Variants in POU5F1 observed in about 807,000 individuals in gnomAD.
POU5F1 encodes the protein POU class 5 homeobox 1, also known as POU domain, class 5, transcription factor 1.
POU5F1 carries 6 observed loss-of-function variants against 38.3 expected under a neutral mutation model. The ratio of observed to expected loss-of-function variants is 0.16; its 90% CI spans 0.09 to 0.31. The LOEUF is 0.31. Ranked by LOEUF, POU5F1 falls within the 10% of genes least tolerant of loss-of-function variation. POU5F1 has a pLI of 1.00. For missense variants in POU5F1, 286 were observed against 462.6 expected, an observed-to-expected ratio of 0.62 and a Z score of 3.50; for synonymous variants, 147 against 194.9, an observed-to-expected ratio of 0.75 and a Z score of 2.05.
rs1777146085 is a variant in POU5F1 at position 31,165,350 on chromosome 6, G to T, written c.658-64C>A. 2 of 1,582,000 alleles carry T rather than the reference G, an allele frequency of 1.3e-6. No homozygotes were observed. Among genetic ancestry groups the T allele is most frequent in the East Asian group, 2.3e-5 (1 of 43,830 alleles). On this transcript the variant is annotated intron_variant, in intron 3 of 4. Transcript: ENST00000259915. The surrounding 1 kb of genome is among the most constrained non-coding windows in gnomAD (Gnocchi z 6.5). ...GACTTGCTGAGTAACAGCATCACAG[G>T]GGTCTGTGACTAGATGTGTCAGCAG...
At position 31,165,448 on chromosome 6, in the gene POU5F1, A is replaced by G. The variant is rs372220322; in HGVS notation, c.657+123T>C. The G allele has an allele frequency of 2.0e-5, 31 of 1,579,290 alleles. No homozygotes were observed. Among genetic ancestry groups the G allele is most frequent in the Non-Finnish European group, 2.5e-5 (29 of 1,161,276 alleles). ...GGACCTTATCCCAGCAGAACTGAGG[A>G]ATTTCACTCCATCCCACTGAGAACC... On this transcript the variant is annotated intron_variant, in intron 3 of 4. Coordinates refer to ENST00000259915, the MANE Select transcript of POU5F1 (RefSeq NM_002701.6). The surrounding 1 kb of genome is among the most constrained non-coding windows in gnomAD (Gnocchi z 6.5).
chr6:31,166,300 T>C (rs2151105316), intron 1 of POU5F1: 1 of 1,515,732 alleles, frequency 6.6e-7, no homozygotes, highest in Non-Finnish European at 8.9e-7. Flanking sequence ...ATCCAAGGGA[T>C]GCAGAGCATC....
In POU5F1 at chr6:31,170,650, C is replaced by A. The variant is rs1359186290; in HGVS notation, c.-30G>T. The stretch of plus-strand genomic sequence containing the variant: ...AAGGAAGGCGCCCCAAGCCGGGGGC[C>A]TGGTGAAATGAGGGCTTGCGAAGGG... On this transcript the variant is annotated 5_prime_UTR_variant, in exon 1 of 5. It adds an upstream start codon to the 5' untranslated region. Transcript: ENST00000259915. The A allele has an allele frequency of 6.5e-7, 1 of 1,531,602 alleles. No homozygotes were observed. The highest frequency in any genetic ancestry group is 8.8e-7 in the Non-Finnish European group (1 of 1,138,020). The allele number at this position is 1,531,602 out of a possible 1,614,324, so 94.9% of individuals were successfully genotyped here. A position where few individuals can be genotyped will look rare whatever the true frequency, so the allele number is the denominator to read the frequency against.
rs762107693 is a variant in POU5F1, at chr6:31,170,615, C to A, written c.6G>T (p.Ala2=). 3.2e-6 allele frequency: 5 copies of A among 1,554,092 alleles called. No homozygotes were observed. The African/African-American group carries it at 5.4e-5, about 17-fold the overall frequency. M[A]GHLASDFAFS... ...AGGCGAAATCCGAAGCCAGGTGTCC[C>A]GCCATGGGGAAGGAAGGCGCCCCAA... The change falls in exon 1 of 5, where the codon GCG becomes GCT. Residue 2 remains alanine, a synonymous_variant. Transcript: ENST00000259915.
At chr6:31,170,179 A>G (rs1777554173) in intron 1 of POU5F1, 37 bp downstream of exon 1, 1 of 1,611,674 alleles carries the variant, frequency 6.2e-7, no homozygotes, top group Non-Finnish European at 8.5e-7. Context: ...TGTCATGACC[A>G]CCTCCCCACA....
Position 31,165,155 on chromosome 6 carries a change from G to A in POU5F1, c.789C>T (p.Ile263=), listed in dbSNP as rs746974556. ...CCTTCTCGAGCCCAAGCTGCTGGGCGATGTGGCTGATCTGCTGCAGTGTGG... is the reference window on the plus strand; with the variant it reads ...CCTTCTCGAGCCCAAGCTGCTGGGCAATGTGGCTGATCTGCTGCAGTGTGG... ...PKPTLQQISH[I]AQQLGLEKDV... Residue 263 remains isoleucine, a synonymous_variant, in exon 4 of 5, where the codon ATC becomes ATT. Transcript: ENST00000259915. This position sits in a 1 kb window ranked among gnomAD's most constrained non-coding sequence, Gnocchi z 6.5. 7 of 1,609,214 alleles carry A rather than the reference G, an allele frequency of 4.3e-6. No homozygotes were observed. Among genetic ancestry groups the A allele is most frequent in the East Asian group, 4.5e-5 (2 of 44,738 alleles).
chr6:31,165,754 T>C lies in POU5F1; in HGVS notation c.527-53A>G. 1 of 1,578,148 alleles carries C rather than the reference T, an allele frequency of 6.3e-7. No homozygotes were observed. The highest frequency in any genetic ancestry group is 8.6e-7 in the Non-Finnish European group (1 of 1,160,822). On this transcript the variant is annotated intron_variant, in intron 2 of 4. Transcript: ENST00000259915. The surrounding 1 kb of genome is among the most constrained non-coding windows in gnomAD (Gnocchi z 6.5). The stretch of plus-strand genomic sequence containing the variant: ...AAAGTGAGGGAGCACGCAGGGCCCT[T>C]GTGACCCTGAGATCCAAGCTTACCA...
chr6:31,170,093 A>T (rs1422407570), intron 1 of POU5F1, 123 bp downstream of exon 1: 1 of 1,515,926 alleles, frequency 6.6e-7, no homozygotes, highest in Non-Finnish European at 9.0e-7. Context: ...TGGCCAGGGC[A>T]GCTGACCCTG....
Position 31,165,875 on chromosome 6 carries a change from G to A in POU5F1, c.526+52C>T. 1 of 1,611,066 alleles carries A rather than the reference G, an allele frequency of 6.2e-7. No homozygotes were observed. The highest frequency in any genetic ancestry group is 8.5e-7 in the Non-Finnish European group (1 of 1,178,118). Reference sequence around the variant, plus strand: ...CCCCTGCCCCTCCCCACTAGGTTCAGGGATACTCCTTAGAGGGGAGATGCG... The same window carrying A: ...CCCCTGCCCCTCCCCACTAGGTTCAAGGATACTCCTTAGAGGGGAGATGCG... On this transcript the variant is annotated intron_variant, in intron 2 of 4. Coordinates refer to ENST00000259915, the MANE Select transcript of POU5F1 (RefSeq NM_002701.6). This position sits in a 1 kb window ranked among gnomAD's most constrained non-coding sequence, Gnocchi z 6.5.
intron 1 of POU5F1, among the ~76,000 whole-genome samples, chr6:31,167,704 T>C (rs1335778165): frequency 7.0e-6 from 1 of 143,582 alleles, no homozygotes; most frequent in Non-Finnish European, 1.5e-5. Context: ...TGAGACTCCA[T>C]CTCAAAAATT....
rs749630858 is a variant in POU5F1 at position 31,166,992 on chromosome 6, C to T, written c.406-945G>A. The T allele has an allele frequency of 5.1e-6, 4 of 790,218 alleles. No homozygotes were observed. The South Asian group carries it at 5.7e-5, about 11-fold the overall frequency. 49.0% of individuals were successfully genotyped at this position (790,218 alleles called of 1,614,324 possible). ...CCTCATCTTTACTGTATCTTTTTCA[C>T]TATAGAGGCATCCTAATTGATTTTT... On this transcript the variant is annotated intron_variant, in intron 1 of 4. Transcript: ENST00000259915.
At chr6:31,167,182 C>G in intron 1 of POU5F1, 1 of 328,972 alleles carries the variant, frequency 3.0e-6, no homozygotes, top group Non-Finnish European at 5.8e-6. Context: ...TGCCCTATAA[C>G]TTTTTAATAA....
chr6:31,167,281 C>T, intron 1 of POU5F1: 1 of 244,762 alleles, frequency 4.1e-6, no homozygotes, highest in Non-Finnish European at 8.1e-6. Flanking sequence ...AATCCTAGCA[C>T]TTTGGGAGGC....
chr6:31,167,959 C>A (rs572241903), intron 1 of POU5F1, among the ~76,000 whole-genome samples: 8,572 of 150,850 alleles, frequency 0.057, 375 homozygotes, highest in Admixed American at 0.088. Context: ...TTTCTCCCCA[C>A]CAAGACGGAA....
intron 1 of POU5F1, 153 bp downstream of exon 1, chr6:31,170,063 A>C (rs558303061): frequency 2.4e-6 from 3 of 1,245,866 alleles, no homozygotes; most frequent in African/African-American, 1.5e-5. Flanking sequence ...GGCTGCCAGC[A>C]GTTGATACAC....
intron 1 of POU5F1, 155 bp downstream of exon 1, chr6:31,170,061 G>C: frequency 8.1e-7 from 1 of 1,234,610 alleles, no homozygotes; most frequent in Non-Finnish European, 1.1e-6. Flanking sequence ...AGGGCTGCCA[G>C]CAGTTGATAC....
At position 31,165,255 on chromosome 6, in the gene POU5F1, C is replaced by T. The variant is rs1246353090; in HGVS notation, c.689G>A (p.Arg230Gln). 7.4e-6 allele frequency: 12 copies of T among 1,611,304 alleles called. No homozygotes were observed. Among genetic ancestry groups the T allele is most frequent in the South Asian group, 3.3e-5 (3 of 90,586 alleles). Residue 230 changes from arginine to glutamine, a missense_variant, in exon 4 of 5, where the codon CGA becomes CAA. Transcript: ENST00000259915. The surrounding 1 kb of genome is among the most constrained non-coding windows in gnomAD (Gnocchi z 6.5). ...ICKAETLVQA[R>Q]KRKRTSIENR... The stretch of plus-strand genomic sequence containing the variant: ...CTCGATACTGGTTCGCTTTCTCTTT[C>T]GGGCCTGCACGAGGGTTTCTGCTTT...
intron 1 of POU5F1, among the ~76,000 whole-genome samples, chr6:31,168,770 G>A (rs1395774736): frequency 3.3e-5 from 5 of 152,152 alleles, no homozygotes; most frequent in Admixed American, 1.3e-4. Flanking sequence ...CAGAAAACGC[G>A]GTAGTCATCT....
chr6:31,169,951 C>T lies in POU5F1; in HGVS notation c.405+265G>A. 3 of 595,654 alleles carry T rather than the reference C, an allele frequency of 5.0e-6. No homozygotes were observed. In the South Asian group the frequency reaches 6.1e-5, roughly 12 times the overall value. 36.9% of individuals were successfully genotyped at this position (595,654 alleles called of 1,614,324 possible). A position where few individuals can be genotyped will look rare whatever the true frequency, so the allele number is the denominator to read the frequency against. On this transcript the variant is annotated intron_variant, in intron 1 of 4. Transcript: ENST00000259915. ...ACAAGGGCTGGGCCAGAGCAAAGGC[C>T]AGCCTGGGCCAGCTTCCGACTCTCC... is the stretch of plus-strand genomic sequence containing the variant.
Sources: allele counts gnomAD v4.1 joint callset (sites outside exome capture counted in the v4.1 genomes callset), GRCh38; gene constraint gnomAD v4.1.1; non-coding constraint Gnocchi (gnomAD v3.1); transcripts MANE v1.5; gene names NCBI Gene and HGNC (gene_info 2026-07-23, HGNC 2026-07-21).